Variants in ZFP62 observed in about 807,000 individuals in gnomAD.
The protein encoded by ZFP62 is ZFP62 zinc finger protein, also known as zinc finger protein 62 homolog.
ZFP62 carries 44 observed loss-of-function variants against 56.4 expected under a neutral mutation model. That is an observed-to-expected ratio of 0.78 (90% CI 0.61 to 1.00). The LOEUF (loss-of-function observed/expected upper bound fraction) is 1.00. Among genes scored for constraint, ZFP62 ranks in the 50% least tolerant of loss-of-function variants. The pLI is 0.00. For synonymous variants in ZFP62, 421 were observed against 388.9 expected (o/e 1.08, Z -0.97); for missense variants, 1,030 against 1,085.7 (o/e 0.95, Z 0.72).
chr5:180,839,278 C>T, the ZFP62 span, among the ~76,000 whole-genome samples: 837 of 152,360 alleles, frequency 5.5e-3, 7 homozygotes, highest in Middle Eastern at 0.017. Flanking sequence ...TCAACTTCCT[C>T]TCACATGCTG....
At chr5:180,853,708 T>G (rs971314510) in intron 1 of ZFP62, among the ~76,000 whole-genome samples, 1 of 152,174 alleles carries the variant, frequency 6.6e-6, no homozygotes, top group Admixed American at 6.5e-5. Flanking sequence ...GTAAGTACAT[T>G]CAGTCTGGGG....
At chr5:180,851,627 A>T (rs1291908203) in intron 1 of ZFP62, 134 bp from the exon 2 acceptor site, 2 of 1,073,664 alleles carry the variant, frequency 1.9e-6, no homozygotes, top group Non-Finnish European at 2.6e-6. Context: ...ACCATGTGCC[A>T]TGTACCGGTT....
At chr5:180,841,914 T>C in the ZFP62 span, among the ~76,000 whole-genome samples, 1 of 152,214 alleles carries the variant, frequency 6.6e-6, no homozygotes, top group African/African-American at 2.4e-5. Context: ...TAGCCAGGCA[T>C]GGTGGTGCAC....
At chr5:180,828,328 G>A in the ZFP62 span, among the ~76,000 whole-genome samples, 233 of 152,208 alleles carry the variant, frequency 1.5e-3, 2 homozygotes, top group African/African-American at 3.2e-3. Context: ...CTCTTTGGAG[G>A]TGACTCAGAT....
the ZFP62 span, among the ~76,000 whole-genome samples, chr5:180,839,058 T>A: frequency 1.3e-5 from 2 of 152,132 alleles, no homozygotes; most frequent in African/African-American, 4.8e-5. Flanking sequence ...ATACAATGAG[T>A]GTACTAGGAA....
At chr5:180,845,777 T>G, downstream of ZFP62, 3 of 985,342 alleles carry the variant, frequency 3.0e-6, no homozygotes, top group Non-Finnish European at 3.6e-6. Context: ...TCAGGTGTTG[T>G]CCTGGTGGTG....
rs1315712680 is a variant in ZFP62 at position 180,848,086 on chromosome 5, T to A, written c.*706A>T. 46 of 982,878 alleles carry A rather than the reference T, an allele frequency of 4.7e-5. No individual in the cohort carries two copies. Among genetic ancestry groups the A allele is most frequent in the Non-Finnish European group, 5.5e-5 (46 of 829,914 alleles). The allele number at this position is 982,878 out of a possible 1,614,324, so 60.9% of individuals were successfully genotyped here. Reference sequence around the variant, plus strand: ...CATTATGGGAGTTCATCTGAAACTTTAAAAAAGTTTCATCCATTCAACTAA... The same window carrying A: ...CATTATGGGAGTTCATCTGAAACTTAAAAAAAGTTTCATCCATTCAACTAA... On this transcript the variant is annotated 3_prime_UTR_variant, in exon 2 of 2. Transcript: ENST00000502412.
intron 1 of ZFP62, chr5:180,852,000 A>G: frequency 1.0e-6 from 1 of 987,262 alleles, no homozygotes; most frequent in Non-Finnish European, 1.2e-6. Flanking sequence ...GGGGAGGGGT[A>G]TCAGGGAGAA....
the ZFP62 span, among the ~76,000 whole-genome samples, chr5:180,828,191 C>A: frequency 1.3e-5 from 2 of 152,154 alleles, no homozygotes; most frequent in Non-Finnish European, 2.9e-5. Context: ...TTCCACCTAA[C>A]GAGAAACACC....
rs1490474119 is a variant in ZFP62, at chr5:180,850,145, T to C, written c.1350A>G (p.Val450=). ...TGAACGTTTTCCCACACACATCACA[T>C]ACATAAGGTCTCTCTCCGGTATGAA... ...RTIHTGERPY[V]CDVCGKTFRN... Residue 450 remains valine, a synonymous_variant, in exon 2 of 2, where the codon GTA becomes GTG. Transcript: ENST00000502412. The C allele has an allele frequency of 1.3e-6, 2 of 1,551,806 alleles. No homozygotes were observed. The highest frequency in any genetic ancestry group is 2.4e-5 in the East Asian group (1 of 40,930).
At chr5:180,830,773 C>T in the ZFP62 span, 1 of 152,450 alleles carries the variant, frequency 6.6e-6, no homozygotes, top group Non-Finnish European at 1.5e-5. Context: ...CCTTCAGCAG[C>T]TTGCCACAGG....
intron 1 of ZFP62, among the ~76,000 whole-genome samples, chr5:180,854,065 A>T (rs903437152): frequency 2.6e-5 from 4 of 152,226 alleles, no homozygotes; most frequent in Admixed American, 1.3e-4. Context: ...AAGCCCAAAA[A>T]ACAAAACACT....
rs919260256 is a variant in ZFP62, at chr5:180,850,765, T to G, written c.730A>C (p.Lys244Gln). The G allele has an allele frequency of 6.2e-7, 1 of 1,602,774 alleles. No individual in the cohort carries two copies. The highest frequency in any genetic ancestry group is 8.5e-7 in the Non-Finnish European group (1 of 1,174,442). ...FNYSSVLDQHKRIHTGEKPYE... is the reference protein window; with the variant it reads ...FNYSSVLDQHQRIHTGEKPYE... The stretch of plus-strand genomic sequence containing the variant: ...GGCTTCTCCCCAGTGTGGATCCTTT[T>G]ATGCTGGTCCAGAACAGAGCTATAA... The change falls in exon 2 of 2, where the codon AAA becomes CAA. Residue 244 changes from lysine to glutamine, a missense_variant. Coordinates refer to ENST00000502412, the MANE Select transcript of ZFP62 (RefSeq NM_001172638.2).
At chr5:180,829,730 C>G in the ZFP62 span, among the ~76,000 whole-genome samples, 7,860 of 152,246 alleles carry the variant, frequency 0.052, 638 homozygotes, top group African/African-American at 0.17. Flanking sequence ...AGAAGCTCAT[C>G]AGTGACGTGA....
the ZFP62 span, among the ~76,000 whole-genome samples, chr5:180,836,181 CGAT>C: frequency 6.6e-6 from 1 of 152,230 alleles, no homozygotes; most frequent in Non-Finnish European, 1.5e-5. Context: ...AACGGCCTAA[CGAT>C]GCATTTCTCA....
chr5:180,845,292 G>GCACTC (rs752137608), downstream of ZFP62, among the ~76,000 whole-genome samples: 392 of 120,958 alleles, frequency 3.2e-3, 2 homozygotes, highest in South Asian at 6.2e-3. Context: ...TAATGCCCCT[G>GCACTC]CACTCCAGCC....
At chr5:180,854,728 C>T (rs1773883896) in intron 1 of ZFP62, among the ~76,000 whole-genome samples, 1 of 152,144 alleles carries the variant, frequency 6.6e-6, no homozygotes, top group Non-Finnish European at 1.5e-5. Context: ...TGAACTGAAT[C>T]ACCAGGTAAA....
intron 1 of ZFP62, among the ~76,000 whole-genome samples, chr5:180,857,958 GA>G (rs1774075985): frequency 6.6e-6 from 1 of 151,822 alleles, no homozygotes; most frequent in South Asian, 2.1e-4. Flanking sequence ...AAGTTCATAA[GA>G]AAAAAACTTT....
downstream of ZFP62, among the ~76,000 whole-genome samples, chr5:180,847,372 C>T (rs1773440019): frequency 3.8e-5 from 1 of 26,164 alleles, no homozygotes; most frequent in African/African-American, 8.5e-5. Context: ...AACCTACCTG[C>T]TCCCGAGTTA....
Sources: gnomAD v4.1 joint callset for allele counts (sites outside exome capture counted in the v4.1 genomes callset) on GRCh38, gnomAD v4.1.1 for gene constraint, MANE v1.5 for transcripts, NCBI Gene and HGNC (gene_info 2026-07-23, HGNC 2026-07-21) for gene names.